SEC16A: variants seen among roughly 807,000 people sequenced by gnomAD.
SEC16A encodes the protein protein transport protein Sec16A.
SEC16A carries 110 observed loss-of-function variants against 221.9 expected under a neutral mutation model. The observed-to-expected ratio is 0.50, with a 90% CI of 0.42 to 0.58. The LOEUF is 0.58. Ranked by LOEUF, SEC16A falls within the 20% of genes least tolerant of loss-of-function variation. The pLI, the probability that SEC16A is intolerant of heterozygous loss-of-function variation, is 0.00. For missense variants in SEC16A, 3,165 were observed against 3,097.8 expected (o/e 1.02, Z -0.52); for synonymous variants, 1,393 against 1,257.7 (o/e 1.11, Z -2.28).
At chr9:136,471,033 C>A (rs1840785838) in intron 4 of SEC16A, among the ~76,000 whole-genome samples, 1 of 152,094 alleles carries the variant, frequency 6.6e-6, no homozygotes, top group African/African-American at 2.4e-5. Context: ...CTCCTCTGCT[C>A]TAGGGCCCAG....
At chr9:136,483,972 C>T (rs762137406), upstream of SEC16A, 18 of 202,950 alleles carry the variant, frequency 8.9e-5, no homozygotes, top group Non-Finnish European at 1.4e-4. Flanking sequence ...GACGCATCCT[C>T]TACTGTCCCT....
At chr9:136,460,640 G>C (rs2132325709) in intron 13 of SEC16A, among the ~76,000 whole-genome samples, 1 of 150,066 alleles carries the variant, frequency 6.7e-6, no homozygotes, top group East Asian at 2.0e-4. Flanking sequence ...GCCAGGTATG[G>C]TGGCTCACGC....
intron 20 of SEC16A, among the ~76,000 whole-genome samples, chr9:136,455,233 C>T (rs1416228486): frequency 6.6e-6 from 1 of 152,204 alleles, no homozygotes; most frequent in Non-Finnish European, 1.5e-5. Flanking sequence ...ACGGGGCCGA[C>T]TGGGAGAAGC....
intron 29 of SEC16A, 143 bp downstream of exon 29, chr9:136,445,502 A>G (rs1161003811): frequency 5.9e-6 from 4 of 681,382 alleles, no homozygotes; most frequent in Non-Finnish European, 9.9e-6. Context: ...TTTTTCCCCC[A>G]GGAACACCAC....
chr9:136,452,512 C>A (rs1276632591), intron 22 of SEC16A, among the ~76,000 whole-genome samples: 1 of 145,826 alleles, frequency 6.9e-6, no homozygotes, highest in East Asian at 2.0e-4. Flanking sequence ...ACACCTTAAT[C>A]CCAGCACTTT....
intron 28 of SEC16A, among the ~76,000 whole-genome samples, chr9:136,445,983 T>C (rs1452386693): frequency 1.3e-5 from 2 of 152,164 alleles, no homozygotes; most frequent in African/African-American, 4.8e-5. Flanking sequence ...ATTCCCATTT[T>C]ACAGAGGGGA....
intron 13 of SEC16A, 151 bp downstream of exon 13, chr9:136,461,026 G>T: frequency 1.6e-6 from 1 of 638,866 alleles, no homozygotes. Context: ...ACGACCCAAG[G>T]AAGCCTCGAG....
In SEC16A at chr9:136,447,430, G is replaced by A. The variant is rs148326032; in HGVS notation, c.6560-66C>T. 2.5e-6 allele frequency: 4 copies of A among 1,574,876 alleles called. No individual in the cohort carries two copies. The highest frequency in any genetic ancestry group is 3.4e-6 in the Non-Finnish European group (4 of 1,160,092). ...GTGGCCTCCAGCTTCCAAATGCTCT[G>A]CGCTCACTGCGTCAGAGGAAAAGCA... On this transcript the variant is annotated intron_variant, in intron 26 of 31. Coordinates refer to ENST00000684901, the MANE Select transcript of SEC16A (RefSeq NM_014866.2). This position sits in a 1 kb window ranked among gnomAD's most constrained non-coding sequence, Gnocchi z 5.5.
intron 4 of SEC16A, among the ~76,000 whole-genome samples, chr9:136,469,516 T>C (rs1840588468): frequency 6.6e-6 from 1 of 152,048 alleles, no homozygotes; most frequent in South Asian, 2.1e-4. Context: ...GTAAAAAAAT[T>C]AGCCAGGCAT....
intron 22 of SEC16A, among the ~76,000 whole-genome samples, chr9:136,452,512 C>T (rs1276632591): frequency 6.9e-6 from 1 of 145,826 alleles, no homozygotes; most frequent in East Asian, 2.0e-4. Flanking sequence ...ACACCTTAAT[C>T]CCAGCACTTT....
rs1043557243 is a variant in SEC16A at position 136,440,748 on chromosome 9, T to C, written c.*1007A>G. 2 of 152,496 alleles carry C rather than the reference T, an allele frequency of 1.3e-5. No individual in the cohort carries two copies. Among genetic ancestry groups the C allele is most frequent in the African/African-American group, 4.8e-5 (2 of 41,424 alleles). 9.4% of individuals were successfully genotyped at this position (152,496 alleles called of 1,614,324 possible). ...CCAGAGCTGCTGTCAAGAAACTGTG[T>C]TAAGATACTCTCCCCAAGTGCTACC... On this transcript the variant is annotated 3_prime_UTR_variant, in exon 32 of 32. Coordinates refer to ENST00000684901, the MANE Select transcript of SEC16A (RefSeq NM_014866.2).
At chr9:136,481,510 A>G (rs4378078) in intron 1 of SEC16A, among the ~76,000 whole-genome samples, 64,423 of 152,074 alleles carry the variant, frequency 0.42, 13,976 homozygotes, top group Admixed American at 0.52. Context: ...TGATCTTGAA[A>G]ATGCAGTATT....
rs371655852 is a variant in SEC16A at position 136,477,340 on chromosome 9, C to G, written c.276G>C (p.Leu92Phe). The G allele has an allele frequency of 1.2e-5, 20 of 1,613,974 alleles. No individual in the cohort carries two copies. In the East Asian group the frequency reaches 4.0e-4, roughly 32 times the overall value. The part of the protein sequence containing the change: ...APAGFSQHPG[L>F]LVPHTHARDS... ...CTCTGGCATGTGTGTGAGGAACAAG[C>G]AAACCGGGGTGCTGAGAAAACCCTG... Residue 92 changes from leucine (L) to phenylalanine (F), a missense_variant, in exon 3 of 32, where the codon TTG (leucine) becomes TTC (phenylalanine). Around this residue, in one of 3 missense-constraint regions of SEC16A, gnomAD observed 2,030 missense variants for 1,923.1 expected, o/e 1.06. Transcript: ENST00000684901.
chr9:136,477,574 C>T lies in SEC16A; in HGVS notation c.42G>A (p.Gly14=). ...PPQTVPSGMA[G]PPPAGNPRSV... ...TCCGAGGATTCCCGGCTGGAGGTGG[C>T]CCAGCCATGCCAGACGGGACCGTCT... is the stretch of plus-strand genomic sequence containing the variant. Residue 14 remains glycine (G), a synonymous_variant, in exon 3 of 32, where the codon GGG becomes GGA. Transcript: ENST00000684901. 7 of 1,612,476 alleles carry T rather than the reference C, an allele frequency of 4.3e-6. No individual in the cohort carries two copies. The highest frequency in any genetic ancestry group is 5.1e-6 in the Non-Finnish European group (6 of 1,179,564).
intron 11 of SEC16A, 60 bp downstream of exon 11, chr9:136,463,403 T>C: frequency 7.6e-6 from 12 of 1,587,342 alleles, no homozygotes; most frequent in Non-Finnish European, 1.0e-5. Context: ...AGGCTGAGCA[T>C]TCCCAAGACG....
rs757567171 is a variant in SEC16A, at chr9:136,447,297, G to A, written c.6627C>T (p.Leu2209=). 26 of 1,596,496 alleles carry A rather than the reference G, an allele frequency of 1.6e-5. 1 individual carries two copies. In the South Asian group the frequency reaches 2.3e-4, roughly 14 times the overall value. Residue 2209 remains leucine (L), a synonymous_variant, in exon 27 of 32, where the codon CTC becomes CTT. Coordinates refer to ENST00000684901, the MANE Select transcript of SEC16A (RefSeq NM_014866.2). This position sits in a 1 kb window ranked among gnomAD's most constrained non-coding sequence, Gnocchi z 5.5. ...PSGTQRSEPA[L]APADFVAPLA... ...GTGGAGCGACAAAGTCCGCAGGAGCGAGAGCCGGCTCGCTCCGCTGGGTCC... is the reference window on the plus strand; with the variant it reads ...GTGGAGCGACAAAGTCCGCAGGAGCAAGAGCCGGCTCGCTCCGCTGGGTCC...
At chr9:136,445,013 C>T (rs1836765663) in intron 30 of SEC16A, 39 bp downstream of exon 30, 8 of 1,577,246 alleles carry the variant, frequency 5.1e-6, no homozygotes, top group Non-Finnish European at 6.9e-6. Context: ...GCGGCACACG[C>T]CAGCTCTCAT....
At position 136,467,129 on chromosome 9, in the gene SEC16A, G is replaced by C. The variant is rs757158067; in HGVS notation, c.3803-46C>G. The C allele has an allele frequency of 3.1e-6, 5 of 1,605,334 alleles. No individual in the cohort carries two copies. In the South Asian group the frequency reaches 3.3e-5, roughly 11 times the overall value. Reference sequence around the variant, plus strand: ...ATTAATACAGTAACATGCAAAAGAAGAAATGCCTCAGATATCACTAAAGAA... The same window carrying C: ...ATTAATACAGTAACATGCAAAAGAACAAATGCCTCAGATATCACTAAAGAA... On this transcript the variant is annotated intron_variant, in intron 5 of 31. Coordinates refer to ENST00000684901, the MANE Select transcript of SEC16A (RefSeq NM_014866.2).
intron 22 of SEC16A, among the ~76,000 whole-genome samples, chr9:136,452,477 A>AAAAAAAAAAAG (rs1413100239): frequency 1.4e-5 from 2 of 145,098 alleles, no homozygotes; most frequent in East Asian, 2.0e-4. Flanking sequence ...AAAAAAAAAA[A>AAAAAAAAAAAG]AGAGATGGCC....
Sources: gnomAD v4.1 joint callset for allele counts (sites outside exome capture counted in the v4.1 genomes callset) on GRCh38, gnomAD v4.1.1 for gene constraint, gnomAD v4.1.1 regional missense constraint, Gnocchi (gnomAD v3.1) non-coding constraint, MANE v1.5 for transcripts, NCBI Gene and HGNC (gene_info 2026-07-23, HGNC 2026-07-21) for gene names.